GAB1: variants seen among roughly 807,000 people sequenced by gnomAD.
The protein encoded by GAB1 is GRB2 associated binding protein 1.
GAB1 carries 19 observed loss-of-function variants against 66.5 expected under a neutral mutation model. The ratio of observed to expected loss-of-function variants is 0.29; its 90% CI spans 0.20 to 0.42. The LOEUF (loss-of-function observed/expected upper bound fraction) is 0.42. GAB1 is among the 10% of genes least tolerant of loss of function. GAB1 has a pLI of 1.00. For synonymous variants in GAB1, 294 were observed against 301.4 expected, an observed-to-expected ratio of 0.98 and a Z score of 0.25; for missense variants, 732 against 858.5, an observed-to-expected ratio of 0.85 and a Z score of 1.84.
intron 4 of GAB1, 63 bp from the exon 5 acceptor site, chr4:143,439,739 C>T: frequency 9.1e-7 from 1 of 1,098,304 alleles, no homozygotes. Flanking sequence ...AATAGGTCAT[C>T]CCAATGACCC....
chr4:143,428,776 C>T (rs962891693), intron 2 of GAB1, among the ~76,000 whole-genome samples: 1 of 144,602 alleles, frequency 6.9e-6, no homozygotes. Context: ...AAACAAATCA[C>T]TCATAAGTAG....
intron 1 of GAB1, 28 bp downstream of exon 1, chr4:143,337,288 C>G (rs532144688): frequency 3.2e-6 from 5 of 1,549,408 alleles, no homozygotes; most frequent in Non-Finnish European, 4.4e-6. Flanking sequence ...CACCACTCCG[C>G]GGGCCTCGGC....
chr4:143,461,350 G>A lies in GAB1; in HGVS notation c.1803+863G>A, dbSNP rs554686800. The stretch of plus-strand genomic sequence containing the variant: ...GTCTAGAGAGAGTCAATCCAAGGCT[G>A]TTGTGGCAGCTCTGTTCCATAGAGT... On this transcript the variant is annotated intron_variant, in intron 8 of 9. Coordinates refer to ENST00000262994, the MANE Select transcript of GAB1 (RefSeq NM_002039.4). Among the ~76,000 whole-genome samples the A allele has an allele frequency of 2.0e-5, 3 of 152,316 alleles. No individual in the cohort carries two copies. The South Asian group carries it at 6.2e-4, about 32-fold the overall frequency.
chr4:143,389,223 C>CT (rs1159380384), intron 1 of GAB1, among the ~76,000 whole-genome samples: 1 of 152,200 alleles, frequency 6.6e-6, no homozygotes, highest in Non-Finnish European at 1.5e-5. Flanking sequence ...CTTCCTCTGT[C>CT]TTTTTAACCA....
intron 7 of GAB1, among the ~76,000 whole-genome samples, chr4:143,459,858 A>G (rs1735392899): frequency 6.6e-6 from 1 of 152,228 alleles, no homozygotes; most frequent in African/African-American, 2.4e-5. Flanking sequence ...AATAATTTTT[A>G]AGAGTGTAAA....
At chr4:143,462,982 C>T (rs1351071056) in intron 8 of GAB1, among the ~76,000 whole-genome samples, 1 of 151,846 alleles carries the variant, frequency 6.6e-6, no homozygotes, top group Non-Finnish European at 1.5e-5. Flanking sequence ...TTATGAAGTA[C>T]TTAGGTCCTA....
chr4:143,409,302 G>A (rs1383290264), intron 1 of GAB1, among the ~76,000 whole-genome samples: 5 of 152,080 alleles, frequency 3.3e-5, no homozygotes, highest in Non-Finnish European at 5.9e-5. Context: ...AGATTGGAGA[G>A]ATGAGACAGG....
rs28989191 is a variant in GAB1, at chr4:143,337,011, A to G, written c.-178A>G. 5.6e-4 allele frequency: 334 copies of G among 592,340 alleles called. 3 individuals carry two copies. The African/African-American group carries it at 6.3e-3, about 11-fold the overall frequency. The allele number at this position is 592,340 out of a possible 1,614,324, so 36.7% of individuals were successfully genotyped here. A position where few individuals can be genotyped will look rare whatever the true frequency, so the allele number is the denominator to read the frequency against. Reference sequence around the variant, plus strand: ...TCTGTTCAGGTTCGTGGGCCTGCAGAGGAGAGACTCGAACTCGTGGAACCC... The same window carrying G: ...TCTGTTCAGGTTCGTGGGCCTGCAGGGGAGAGACTCGAACTCGTGGAACCC... On this transcript the variant is annotated 5_prime_UTR_variant, in exon 1 of 10. Transcript: ENST00000262994.
chr4:143,367,585 T>C (rs1483606584), intron 1 of GAB1, among the ~76,000 whole-genome samples: 2 of 151,576 alleles, frequency 1.3e-5, no homozygotes, highest in African/African-American at 4.9e-5. Flanking sequence ...GAGGTATAAG[T>C]TCCAATACCT....
chr4:143,402,292 T>C (rs1731819667), intron 1 of GAB1, among the ~76,000 whole-genome samples: 1 of 152,208 alleles, frequency 6.6e-6, no homozygotes, highest in South Asian at 2.1e-4. Context: ...TGGATTTTAG[T>C]TGGAAAATTT....
intron 1 of GAB1, among the ~76,000 whole-genome samples, chr4:143,355,469 C>G (rs1729407965): frequency 6.6e-6 from 1 of 152,044 alleles, no homozygotes; most frequent in African/African-American, 2.4e-5. Context: ...TAAACTTGAC[C>G]ATCTTAATCA....
At chr4:143,447,554 G>A (rs1734632235) in intron 6 of GAB1, among the ~76,000 whole-genome samples, 1 of 152,128 alleles carries the variant, frequency 6.6e-6, no homozygotes, top group African/African-American at 2.4e-5. Context: ...TGTCTTTGAA[G>A]CAATTGTGAA....
At chr4:143,448,985 C>T (rs373172033) in intron 6 of GAB1, among the ~76,000 whole-genome samples, 7 of 152,154 alleles carry the variant, frequency 4.6e-5, no homozygotes, top group Middle Eastern at 3.4e-3. Flanking sequence ...TTCTGGTATG[C>T]TGTGTCTTTG....
chr4:143,359,190 G>A (rs1027938569), intron 1 of GAB1, among the ~76,000 whole-genome samples: 3 of 152,174 alleles, frequency 2.0e-5, no homozygotes, highest in Non-Finnish European at 4.4e-5. Context: ...GGCCATTTCC[G>A]TTTTCTCTGA....
intron 3 of GAB1, among the ~76,000 whole-genome samples, chr4:143,436,185 T>C (rs1733932591): frequency 6.6e-6 from 1 of 152,054 alleles, no homozygotes; most frequent in East Asian, 1.9e-4. Context: ...CTACACCTAG[T>C]TGGTGAGAGA....
intron 1 of GAB1, among the ~76,000 whole-genome samples, chr4:143,363,411 A>G (rs796224727): frequency 9.2e-5 from 14 of 152,302 alleles, no homozygotes; most frequent in African/African-American, 3.4e-4. Flanking sequence ...GAGAAGTAGT[A>G]CTATAGGACC....
In GAB1 at chr4:143,457,897, C is replaced by T. The variant is rs1052143439; in HGVS notation, c.1586-1488C>T. 12 of 590,948 alleles carry T rather than the reference C, an allele frequency of 2.0e-5. No homozygotes were observed. In the African/African-American group the frequency reaches 2.4e-4, roughly 12 times the overall value. The allele number at this position is 590,948 out of a possible 1,614,324, so 36.6% of individuals were successfully genotyped here. A position where few individuals can be genotyped will look rare whatever the true frequency, so the allele number is the denominator to read the frequency against. ...CTGTTGTAAATAAAACTTTCCTGCA[C>T]ATTATTTCTAAAGTGAATGCTTCCC... is the stretch of plus-strand genomic sequence containing the variant. On this transcript the variant is annotated intron_variant, in intron 6 of 9. Transcript: ENST00000262994.
chr4:143,371,434 A>G (rs1373081783), intron 1 of GAB1, among the ~76,000 whole-genome samples: 1 of 152,146 alleles, frequency 6.6e-6, no homozygotes, highest in African/African-American at 2.4e-5. Context: ...AGTTCTTTGT[A>G]GATTCTGGAT....
chr4:143,406,696 C>G (rs560029415), intron 1 of GAB1, among the ~76,000 whole-genome samples: 1 of 152,238 alleles, frequency 6.6e-6, no homozygotes, highest in African/African-American at 2.4e-5. Context: ...GGCCTTTCTT[C>G]CCAGTACACA....
Sources: allele counts gnomAD v4.1 joint callset (sites outside exome capture counted in the v4.1 genomes callset), GRCh38; gene constraint gnomAD v4.1.1; transcripts MANE v1.5; gene names NCBI Gene and HGNC (gene_info 2026-07-23, HGNC 2026-07-21).